ARCN1: variants seen among roughly 807,000 people sequenced by gnomAD.
ARCN1 encodes the protein coatomer subunit delta.
A neutral mutation model predicts 60.4 loss-of-function variants in ARCN1; 5 were observed. That is an observed-to-expected ratio of 0.08 (90% CI 0.04 to 0.17). The LOEUF is 0.17. ARCN1 is among the 10% of genes least tolerant of loss of function. The pLI is 1.00. For missense variants in ARCN1, 464 were observed against 626.5 expected, an observed-to-expected ratio of 0.74 and a Z score of 2.77; for synonymous variants, 224 against 220.0, an observed-to-expected ratio of 1.02 and a Z score of -0.16.
rs1192631681 is a variant in ARCN1, at chr11:118,602,825, ATGAGAGACATTTTG to A, written c.*2113_*2126del. On this transcript the variant is annotated 3_prime_UTR_variant, in exon 10 of 10. Coordinates refer to ENST00000264028, the MANE Select transcript of ARCN1 (RefSeq NM_001655.5). ...GATTACTTTTGGGGTAATATTTAAA[ATGAGAGACATTTTG>A]TAACCCTGTAAAATACATAGGGAAT... is the stretch of plus-strand genomic sequence containing the variant. 1 of 153,772 alleles carries A rather than the reference ATGAGAGACATTTTG, an allele frequency of 6.5e-6. No homozygotes were observed. Among genetic ancestry groups the A allele is most frequent in the Non-Finnish European group, 1.5e-5 (1 of 68,042 alleles). 9.5% of individuals were successfully genotyped at this position (153,772 alleles called of 1,614,324 possible). A position where few individuals can be genotyped will look rare whatever the true frequency, so the allele number is the denominator to read the frequency against.
rs1285472666 is a variant in ARCN1, at chr11:118,601,305, G to A, written c.*591G>A. 4 of 394,904 alleles carry A rather than the reference G, an allele frequency of 1.0e-5. No individual in the cohort carries two copies. The highest frequency in any genetic ancestry group is 7.5e-5 in the East Asian group (1 of 13,280). 24.5% of individuals were successfully genotyped at this position (394,904 alleles called of 1,614,324 possible). A position where few individuals can be genotyped will look rare whatever the true frequency, so the allele number is the denominator to read the frequency against. ...GCGAACTCCTGAGCTCAGGCAATCC[G>A]CCCACCTCAGCCTCCCAAAGTGTTG... On this transcript the variant is annotated 3_prime_UTR_variant, in exon 10 of 10. Coordinates refer to ENST00000264028, the MANE Select transcript of ARCN1 (RefSeq NM_001655.5).
chr11:118,575,515 A>T (rs1938474591), intron 1 of ARCN1, among the ~76,000 whole-genome samples: 1 of 151,962 alleles, frequency 6.6e-6, no homozygotes, highest in Non-Finnish European at 1.5e-5. Flanking sequence ...TTACTTTTCA[A>T]GTTTTAGGTT....
chr11:118,580,048 C>T (rs904527284), intron 1 of ARCN1, among the ~76,000 whole-genome samples: 1 of 151,930 alleles, frequency 6.6e-6, no homozygotes, highest in African/African-American at 2.4e-5. Context: ...TCTGGCTAGG[C>T]GTGGTGACTC....
chr11:118,585,870 A>G (rs1938767709), intron 5 of ARCN1, among the ~76,000 whole-genome samples: 1 of 152,124 alleles, frequency 6.6e-6, no homozygotes, highest in African/African-American at 2.4e-5. Context: ...TGAAGCCAGT[A>G]TGGAATATTT....
rs188437719 is a variant in ARCN1 at position 118,575,151 on chromosome 11, T to C, written c.3+2601T>C. The stretch of plus-strand genomic sequence containing the variant: ...CTGCCACCACGCCCAACTACTTTTT[T>C]GTATTTTTAGTAGATACGGGGTTTC... On this transcript the variant is annotated intron_variant, in intron 1 of 9. Coordinates refer to ENST00000264028, the MANE Select transcript of ARCN1 (RefSeq NM_001655.5). Among the ~76,000 whole-genome samples, 978 of 152,240 alleles carry C rather than the reference T, an allele frequency of 6.4e-3. 11 individuals carry two copies. The highest frequency in any genetic ancestry group is 0.021 in the African/African-American group (871 of 41,542).
At chr11:118,577,474 C>T (rs895149640) in intron 1 of ARCN1, among the ~76,000 whole-genome samples, 1 of 152,126 alleles carries the variant, frequency 6.6e-6, no homozygotes, top group Admixed American at 6.6e-5. Context: ...TCTCGAACTC[C>T]TGACCTCAGG....
rs112005913 is a variant in ARCN1, at chr11:118,593,335, C to G, written c.1133-255C>G. Reference sequence around the variant, plus strand: ...CCTTGAACTCCTGGGTTCAGCTGATCTCCCACCTCAGCCTCCTGAGTAGCT... The same window carrying G: ...CCTTGAACTCCTGGGTTCAGCTGATGTCCCACCTCAGCCTCCTGAGTAGCT... On this transcript the variant is annotated intron_variant, in intron 7 of 9. Transcript: ENST00000264028. Among the ~76,000 whole-genome samples the G allele has an allele frequency of 9.2e-3, 1,397 of 152,014 alleles. 22 individuals carry two copies. Among genetic ancestry groups the G allele is most frequent in the African/African-American group, 0.032 (1,323 of 41,418 alleles).
chr11:118,596,022 G>A (rs916217672), intron 8 of ARCN1, among the ~76,000 whole-genome samples: 4 of 151,718 alleles, frequency 2.6e-5, no homozygotes, highest in East Asian at 3.9e-4. Flanking sequence ...AGCTGAGATC[G>A]CGCCACTGCA....
chr11:118,572,517 A>T lies in ARCN1; in HGVS notation c.-31A>T. Reference sequence around the variant, plus strand: ...CTACCCCTATCCCCAGTGGAGCCGGAGTGCGGGCGCGCCCCACCACCGCCC... The same window carrying T: ...CTACCCCTATCCCCAGTGGAGCCGGTGTGCGGGCGCGCCCCACCACCGCCC... On this transcript the variant is annotated 5_prime_UTR_variant, in exon 1 of 10. Coordinates refer to ENST00000264028, the MANE Select transcript of ARCN1 (RefSeq NM_001655.5). 1 of 1,611,226 alleles carries T rather than the reference A, an allele frequency of 6.2e-7. No individual in the cohort carries two copies.
In ARCN1 at chr11:118,579,380, G is replaced by A. The variant is rs139312843; in HGVS notation, c.4-1866G>A. On this transcript the variant is annotated intron_variant, in intron 1 of 9. Coordinates refer to ENST00000264028, the MANE Select transcript of ARCN1 (RefSeq NM_001655.5). ...GCCAATTGTATAAACTTTTTAAAATGCAGCCAAAATAGGCCGGGCGGTGGC... is the reference window on the plus strand; with the variant it reads ...GCCAATTGTATAAACTTTTTAAAATACAGCCAAAATAGGCCGGGCGGTGGC... Among the ~76,000 whole-genome samples the A allele has an allele frequency of 1.3e-3, 198 of 152,024 alleles. 1 individual carries two copies. Among genetic ancestry groups the A allele is most frequent in the Middle Eastern group, 3.4e-3 (1 of 292 alleles).
At chr11:118,577,943 G>A (rs1481159018) in intron 1 of ARCN1, among the ~76,000 whole-genome samples, 1 of 152,064 alleles carries the variant, frequency 6.6e-6, no homozygotes, top group African/African-American at 2.4e-5. Context: ...ATGACTTGAG[G>A]CCAGGAGTTG....
Position 118,601,896 on chromosome 11 carries a change from AT to A in ARCN1, c.*1185del. On this transcript the variant is annotated 3_prime_UTR_variant, in exon 10 of 10. Transcript: ENST00000264028. ...TGCTGCTGTTGCTACCCAAATTTTC[AT>A]TTCTCCACATTTTGGGTACTTAAGC... The A allele has an allele frequency of 1.7e-6, 1 of 588,542 alleles. No homozygotes were observed. Among genetic ancestry groups the A allele is most frequent in the Non-Finnish European group, 3.0e-6 (1 of 329,860 alleles). 36.5% of individuals were successfully genotyped at this position (588,542 alleles called of 1,614,324 possible). A position where few individuals can be genotyped will look rare whatever the true frequency, so the allele number is the denominator to read the frequency against.
At chr11:118,590,645 GT>G (rs529505128) in intron 6 of ARCN1, 139 bp downstream of exon 6, 82 of 870,502 alleles carry the variant, frequency 9.4e-5, no homozygotes, top group Non-Finnish European at 9.9e-5. Context: ...TAGGAAAGAA[GT>G]TAATATATTG....
chr11:118,592,890 T>C (rs1555076559), intron 7 of ARCN1, 34 bp downstream of exon 7: 1 of 1,586,630 alleles, frequency 6.3e-7, no homozygotes, highest in Admixed American at 1.7e-5. Context: ...CTAAGCTAGT[T>C]TGCATTGAGA....
intron 6 of ARCN1, 147 bp downstream of exon 6, chr11:118,590,653 A>C: frequency 2.5e-6 from 2 of 798,714 alleles, no homozygotes; most frequent in South Asian, 3.7e-5. Context: ...AAGTTAATAT[A>C]TTGCATACAG....
chr11:118,578,051 A>C (rs535271264), intron 1 of ARCN1, among the ~76,000 whole-genome samples: 2 of 152,176 alleles, frequency 1.3e-5, no homozygotes, highest in African/African-American at 4.8e-5. Context: ...AGTCCCAGTT[A>C]CTCAGGAGGC....
chr11:118,596,840 C>G (rs1196921095), intron 8 of ARCN1, among the ~76,000 whole-genome samples: 1 of 152,224 alleles, frequency 6.6e-6, no homozygotes, highest in Non-Finnish European at 1.5e-5. Flanking sequence ...AAATAAAAGT[C>G]CATTTACTGG....
Position 118,600,805 on chromosome 11 carries a change from C to T in ARCN1, c.*91C>T. 1 of 860,814 alleles carries T rather than the reference C, an allele frequency of 1.2e-6. No homozygotes were observed. Among genetic ancestry groups the T allele is most frequent in the Non-Finnish European group, 1.8e-6 (1 of 544,404 alleles). The allele number at this position is 860,814 out of a possible 1,614,324, so 53.3% of individuals were successfully genotyped here. A position where few individuals can be genotyped will look rare whatever the true frequency, so the allele number is the denominator to read the frequency against. ...AAGAGTTTTTCCCAGATTTACAAGC[C>T]ACTGGAGACCCCTTTTTTCTGATAC... On this transcript the variant is annotated 3_prime_UTR_variant, in exon 10 of 10. Coordinates refer to ENST00000264028, the MANE Select transcript of ARCN1 (RefSeq NM_001655.5).
At chr11:118,592,962 C>G (rs1938945740) in intron 7 of ARCN1, 106 bp downstream of exon 7, 4 of 1,187,636 alleles carry the variant, frequency 3.4e-6, no homozygotes, top group Middle Eastern at 2.3e-4. Context: ...TTCTTTCTGA[C>G]AAAATGACTT....
Sources: allele counts gnomAD v4.1 joint callset (sites outside exome capture counted in the v4.1 genomes callset), GRCh38; gene constraint gnomAD v4.1.1; transcripts MANE v1.5; gene names NCBI Gene and HGNC (gene_info 2026-07-23, HGNC 2026-07-21).